KCNQ1: variants seen among roughly 807,000 people sequenced by gnomAD.
KCNQ1 encodes the protein potassium voltage-gated channel subfamily Q member 1.
A neutral mutation model predicts 72.4 loss-of-function variants in KCNQ1; 49 were observed. The ratio of observed to expected loss-of-function variants is 0.68; its 90% CI spans 0.54 to 0.86. The LOEUF is 0.86. Ranked by LOEUF, KCNQ1 falls within the 40% of genes least tolerant of loss-of-function variation. The pLI is 0.00. For missense variants in KCNQ1, 790 were observed against 945.1 expected, an observed-to-expected ratio of 0.84 and a Z score of 2.15; for synonymous variants, 450 against 412.6, an observed-to-expected ratio of 1.09 and a Z score of -1.10.
At chr11:2,489,675 G>A (rs1045980274) in intron 1 of KCNQ1, among the ~76,000 whole-genome samples, 2 of 152,164 alleles carry the variant, frequency 1.3e-5, no homozygotes, top group African/African-American at 2.4e-5. Flanking sequence ...TTGCATCTTG[G>A]ATACCAGCTC....
chr11:2,642,888 T>A lies in KCNQ1; in HGVS notation c.1394-19073T>A. 1 of 398,002 alleles carries A rather than the reference T, an allele frequency of 2.5e-6. No homozygotes were observed. Among genetic ancestry groups the A allele is most frequent in the Admixed American group, 4.4e-5 (1 of 22,730 alleles). 24.7% of individuals were successfully genotyped at this position (398,002 alleles called of 1,614,324 possible). A position where few individuals can be genotyped will look rare whatever the true frequency, so the allele number is the denominator to read the frequency against. ...TCTATTTTCACTTGTTTCAGTAAAT[T>A]TTTTATTTCTGCCTTAATTTCTTCT... is the stretch of plus-strand genomic sequence containing the variant. On this transcript the variant is annotated intron_variant, in intron 10 of 15. Coordinates refer to ENST00000155840, the MANE Select transcript of KCNQ1 (RefSeq NM_000218.3). The surrounding 1 kb of genome is among the most constrained non-coding windows in gnomAD (Gnocchi z 4.3).
In KCNQ1 at chr11:2,451,215, T is replaced by C. The variant is rs1051039894; in HGVS notation, c.386+5731T>C. On this transcript the variant is annotated intron_variant, in intron 1 of 15. Transcript: ENST00000155840. The surrounding 1 kb of genome is among the most constrained non-coding windows in gnomAD (Gnocchi z 6.4). ...GATTTTTCCACCCGGGCAGTGGTGA[T>C]CTTGGGATGAAACTGTTCCATCTCA... 6.6e-6 allele frequency among the ~76,000 whole-genome samples: 1 copy of C among 152,160 alleles called. No homozygotes were observed. Among genetic ancestry groups the C allele is most frequent in the South Asian group, 2.1e-4 (1 of 4,824 alleles).
At chr11:2,681,706 G>A (rs1018547648) in intron 11 of KCNQ1, 2 of 393,334 alleles carry the variant, frequency 5.1e-6, no homozygotes, top group East Asian at 3.6e-5. Context: ...CTTCCCATGT[G>A]TCTGTTCCTC....
chr11:2,580,671 T>C (rs1848486082), intron 6 of KCNQ1, among the ~76,000 whole-genome samples: 1 of 152,098 alleles, frequency 6.6e-6, no homozygotes, highest in Non-Finnish European at 1.5e-5. Flanking sequence ...CAGCACACAT[T>C]TGCCTGGGGA....
Position 2,848,762 on chromosome 11 carries a change from C to G in KCNQ1, c.*759C>G. 1 of 454,136 alleles carries G rather than the reference C, an allele frequency of 2.2e-6. No individual in the cohort carries two copies. The highest frequency in any genetic ancestry group is 2.3e-5 in the Admixed American group (1 of 42,578). The allele number at this position is 454,136 out of a possible 1,614,324, so 28.1% of individuals were successfully genotyped here. On this transcript the variant is annotated 3_prime_UTR_variant, in exon 16 of 16. Transcript: ENST00000155840. ...GGGCTCCCGCCTCCAACCCCTCGCC[C>G]AGTCCCAGCAGCCAGCCAAACACAC...
Position 2,657,982 on chromosome 11 carries a change from C to T in KCNQ1, c.1394-3979C>T, listed in dbSNP as rs138132996. 612 of 398,586 alleles carry T rather than the reference C, an allele frequency of 1.5e-3. 3 individuals are homozygous for T. Among genetic ancestry groups the T allele is most frequent in the African/African-American group, 0.011 (533 of 48,740 alleles). 24.7% of individuals were successfully genotyped at this position (398,586 alleles called of 1,614,324 possible). A position where few individuals can be genotyped will look rare whatever the true frequency, so the allele number is the denominator to read the frequency against. On this transcript the variant is annotated intron_variant, in intron 10 of 15. Transcript: ENST00000155840. The surrounding 1 kb of genome is among the most constrained non-coding windows in gnomAD (Gnocchi z 4.8). Reference sequence around the variant, plus strand: ...CGTTTAAAGTGGTGTCGGCCAGGCTCCTCCACTGTAAGTGAATAGCTGTTT... The same window carrying T: ...CGTTTAAAGTGGTGTCGGCCAGGCTTCTCCACTGTAAGTGAATAGCTGTTT...
At chr11:2,667,134 T>C (rs1354310082) in intron 11 of KCNQ1, 5 of 398,536 alleles carry the variant, frequency 1.3e-5, no homozygotes, top group Non-Finnish European at 2.2e-5. Context: ...GGGAAAGAGA[T>C]GGGATTGGGA....
chr11:2,489,969 G>A (rs1028772252), intron 1 of KCNQ1, among the ~76,000 whole-genome samples: 2 of 152,088 alleles, frequency 1.3e-5, no homozygotes, highest in African/African-American at 4.8e-5. Context: ...TGGGCTCTTG[G>A]GGTCCCTGAT....
intron 2 of KCNQ1, among the ~76,000 whole-genome samples, chr11:2,548,045 G>A (rs1410555860): frequency 1.3e-5 from 2 of 152,014 alleles, no homozygotes; most frequent in Non-Finnish European, 2.9e-5. Flanking sequence ...ACTCTGGGGA[G>A]TTAGGGTTTC....
rs971525748 is a variant in KCNQ1 at position 2,677,168 on chromosome 11, T to G, written c.1514+15087T>G. On this transcript the variant is annotated intron_variant, in intron 11 of 15. Coordinates refer to ENST00000155840, the MANE Select transcript of KCNQ1 (RefSeq NM_000218.3). The surrounding 1 kb of genome is among the most constrained non-coding windows in gnomAD (Gnocchi z 4.5). ...CACTGTTGTTTCTCCCTATCCATCT[T>G]ATCCCTACTTGTATCTCTGCTGACT... 20 of 398,638 alleles carry G rather than the reference T, an allele frequency of 5.0e-5. No homozygotes were observed. Among genetic ancestry groups the G allele is most frequent in the African/African-American group, 3.9e-4 (19 of 48,758 alleles). 24.7% of individuals were successfully genotyped at this position (398,638 alleles called of 1,614,324 possible).
chr11:2,643,250 A>G, intron 10 of KCNQ1: 1 of 398,242 alleles, frequency 2.5e-6, no homozygotes, highest in Non-Finnish European at 4.4e-6. Context: ...CTAATACTGG[A>G]AATGGAGAAT....
chr11:2,705,601 C>A (rs1850895529), intron 11 of KCNQ1, among the ~76,000 whole-genome samples: 2 of 152,320 alleles, frequency 1.3e-5, no homozygotes, highest in Admixed American at 1.3e-4. Context: ...GTGTGTGCCC[C>A]CCTTCCTGTG....
intron 2 of KCNQ1, among the ~76,000 whole-genome samples, chr11:2,542,806 G>T (rs761338201): frequency 6.6e-6 from 1 of 152,202 alleles, no homozygotes; most frequent in Non-Finnish European, 1.5e-5. Context: ...GTATCCCATT[G>T]TACGGACGCA....
At chr11:2,721,823 G>A (rs1192022254) in intron 11 of KCNQ1, among the ~76,000 whole-genome samples, 1 of 152,226 alleles carries the variant, frequency 6.6e-6, no homozygotes, top group East Asian at 1.9e-4. Flanking sequence ...ACCTGGAGCT[G>A]TCTGTCCATC....
rs566681198 is a variant in KCNQ1, at chr11:2,777,717, C to G, written c.1733-259C>G. On this transcript the variant is annotated intron_variant, in intron 14 of 15. Coordinates refer to ENST00000155840, the MANE Select transcript of KCNQ1 (RefSeq NM_000218.3). ...CTGGCAGTGTGGCCAGCTTAGGCAG[C>G]CCCCTAGGGCTCTCAGAGGTCAGAG... 625 of 603,038 alleles carry G rather than the reference C, an allele frequency of 1.0e-3. 11 individuals are homozygous for G. The South Asian group carries it at 0.012, about 11-fold the overall frequency. The allele number at this position is 603,038 out of a possible 1,614,324, so 37.4% of individuals were successfully genotyped here.
chr11:2,828,969 G>T lies in KCNQ1; in HGVS notation c.1795-18798G>T, dbSNP rs1370662992. On this transcript the variant is annotated intron_variant, in intron 15 of 15. Transcript: ENST00000155840. This position sits in a 1 kb window ranked among gnomAD's most constrained non-coding sequence, Gnocchi z 5.3. ...GAAAGCTAGCACATAGTAGAGAAAT[G>T]CCTTCAAACATCTGAGGGAAAAAAT... 6.6e-6 allele frequency among the ~76,000 whole-genome samples: 1 copy of T among 152,192 alleles called. No homozygotes were observed. The highest frequency in any genetic ancestry group is 1.5e-5 in the Non-Finnish European group (1 of 68,034).
In KCNQ1 at chr11:2,752,490, A is replaced by G. The variant is rs1846241827; in HGVS notation, c.1515-16354A>G. The stretch of plus-strand genomic sequence containing the variant: ...ACCTTAGACCTGGTGATTCATACTT[A>G]GGAATTCATTGTTCTGGAGACTGGG... On this transcript the variant is annotated intron_variant, in intron 11 of 15. Coordinates refer to ENST00000155840, the MANE Select transcript of KCNQ1 (RefSeq NM_000218.3). The surrounding 1 kb of genome is among the most constrained non-coding windows in gnomAD (Gnocchi z 5.2). 6.6e-6 allele frequency among the ~76,000 whole-genome samples: 1 copy of G among 152,040 alleles called. No homozygotes were observed. The highest frequency in any genetic ancestry group is 2.1e-4 in the South Asian group (1 of 4,820).
intron 3 of KCNQ1, 127 bp from the exon 4 acceptor site, chr11:2,571,198 C>G (rs889974167): frequency 5.1e-6 from 4 of 789,984 alleles, no homozygotes; most frequent in Non-Finnish European, 8.8e-6. Flanking sequence ...CTCCATGTCC[C>G]CGGTCATCAG....
At chr11:2,700,485 G>A (rs942242700) in intron 11 of KCNQ1, among the ~76,000 whole-genome samples, 6 of 152,056 alleles carry the variant, frequency 3.9e-5, no homozygotes, top group Non-Finnish European at 7.4e-5. Context: ...CCCCTCCGCC[G>A]GCGCCGCTGC....
Sources: allele counts gnomAD v4.1 joint callset (sites outside exome capture counted in the v4.1 genomes callset), GRCh38; gene constraint gnomAD v4.1.1; non-coding constraint Gnocchi (gnomAD v3.1); transcripts MANE v1.5; gene names NCBI Gene and HGNC (gene_info 2026-07-23, HGNC 2026-07-21).